RBFOX3: variants seen among roughly 807,000 people sequenced by gnomAD.
RBFOX3 encodes RNA binding protein fox-1 homolog 3.
In RBFOX3, 17 loss-of-function variants were observed where a neutral mutation model predicts 48.7. That is an observed-to-expected ratio of 0.35 (90% CI 0.24 to 0.52). The LOEUF is 0.52. Ranked by LOEUF, RBFOX3 falls within the 20% of genes least tolerant of loss-of-function variation. The pLI is 0.94. For missense variants in RBFOX3, 382 were observed against 497.5 expected (o/e 0.77, Z 2.21); for synonymous variants, 212 against 209.5 (o/e 1.01, Z -0.10).
At chr17:79,292,602 ACACACACACACACATACAT>A (rs1567988332) in intron 3 of RBFOX3, among the ~76,000 whole-genome samples, 17 of 87,408 alleles carry the variant, frequency 1.9e-4, no homozygotes, top group South Asian at 3.4e-4. Context: ...ACACACACGC[ACACACACACACACATACAT>A]GCAGACCCAG....
intron 4 of RBFOX3, among the ~76,000 whole-genome samples, chr17:79,213,202 CCT>C (rs1437087917): frequency 6.6e-6 from 1 of 152,122 alleles, no homozygotes; most frequent in Non-Finnish European, 1.5e-5. Context: ...ATAAAGTTCC[CCT>C]GTTTCTCTTG....
At chr17:79,542,705 C>A (rs782491059) in intron 1 of RBFOX3, among the ~76,000 whole-genome samples, 10 of 152,336 alleles carry the variant, frequency 6.6e-5, no homozygotes, top group Non-Finnish European at 1.3e-4. Context: ...ATCGCTTGAA[C>A]CCAGGCGGCG....
chr17:79,279,168 G>A (rs575499357), intron 3 of RBFOX3, among the ~76,000 whole-genome samples: 4 of 152,278 alleles, frequency 2.6e-5, no homozygotes, highest in African/African-American at 4.8e-5. Flanking sequence ...AGGGTAAGGT[G>A]GGCACGGGAG....
At position 79,103,961 on chromosome 17, in the gene RBFOX3, CT is replaced by C; in HGVS notation, c.414+111del. 1 of 884,254 alleles carries C rather than the reference CT, an allele frequency of 1.1e-6. No individual in the cohort carries two copies. Among genetic ancestry groups the C allele is most frequent in the Non-Finnish European group, 1.8e-6 (1 of 548,262 alleles). 54.8% of individuals were successfully genotyped at this position (884,254 alleles called of 1,614,324 possible). A position where few individuals can be genotyped will look rare whatever the true frequency, so the allele number is the denominator to read the frequency against. ...GCGGGGAATACAAGCACCCGTGTCGCTCAGGGGTCCTCGGGCGCGAAGCTCT... is the reference window on the plus strand; with the variant it reads ...GCGGGGAATACAAGCACCCGTGTCGCCAGGGGTCCTCGGGCGCGAAGCTCT... On this transcript the variant is annotated intron_variant, in intron 7 of 14. Coordinates refer to ENST00000693108, the MANE Select transcript of RBFOX3 (RefSeq NM_001350451.2). The surrounding 1 kb of genome is among the most constrained non-coding windows in gnomAD (Gnocchi z 6.1).
Position 79,138,731 on chromosome 17 carries a change from ATG to A in RBFOX3, c.-33-22985_-33-22984del, listed in dbSNP as rs564943540. On this transcript the variant is annotated intron_variant, in intron 4 of 14. Transcript: ENST00000693108. ...TTCACACCCCCTCACCCACACACGC[ATG>A]CACACAGCACGTGTTCACACCACCA... 4.5e-3 allele frequency among the ~76,000 whole-genome samples: 352 copies of A among 79,090 alleles called. 3 individuals carry two copies. Among genetic ancestry groups the A allele is most frequent in the Middle Eastern group, 0.018 (2 of 114 alleles). The allele number at this position is 79,090 out of a possible 152,430, so 51.9% of individuals were successfully genotyped here. A position where few individuals can be genotyped will look rare whatever the true frequency, so the allele number is the denominator to read the frequency against.
chr17:79,213,772 A>G (rs987685588), intron 4 of RBFOX3, among the ~76,000 whole-genome samples: 4 of 152,210 alleles, frequency 2.6e-5, no homozygotes, highest in African/African-American at 9.6e-5. Flanking sequence ...GACTCCCACC[A>G]GATATAACTT....
At chr17:79,228,503 T>C (rs535830151) in intron 4 of RBFOX3, among the ~76,000 whole-genome samples, 1 of 152,192 alleles carries the variant, frequency 6.6e-6, no homozygotes, top group Non-Finnish European at 1.5e-5. Context: ...TCCGATCCCA[T>C]CTCAAATGTT....
At chr17:79,341,429 C>A (rs1033638604) in intron 2 of RBFOX3, among the ~76,000 whole-genome samples, 1 of 152,204 alleles carries the variant, frequency 6.6e-6, no homozygotes, top group Admixed American at 6.5e-5. Flanking sequence ...TATTCATATA[C>A]CTATCACCAA....
At chr17:79,318,719 G>T (rs916966166) in intron 2 of RBFOX3, among the ~76,000 whole-genome samples, 2 of 151,920 alleles carry the variant, frequency 1.3e-5, no homozygotes, top group Non-Finnish European at 2.9e-5. Context: ...GCTGAGTGTG[G>T]TGGTGGGCGC....
In RBFOX3 at chr17:79,443,040, C is replaced by T. The variant is rs998756825; in HGVS notation, c.-175+39414G>A. ...GCCTGGAGAACCCCTGGAAAACATC[C>T]ACCTGTGCCATGAGGTCCTCACAGG... is the stretch of plus-strand genomic sequence containing the variant. On this transcript the variant is annotated intron_variant, in intron 2 of 14. Coordinates refer to ENST00000693108, the MANE Select transcript of RBFOX3 (RefSeq NM_001350451.2). This position sits in a 1 kb window ranked among gnomAD's most constrained non-coding sequence, Gnocchi z 4.4. Among the ~76,000 whole-genome samples the T allele has an allele frequency of 6.6e-6, 1 of 152,226 alleles. No homozygotes were observed. Among genetic ancestry groups the T allele is most frequent in the African/African-American group, 2.4e-5 (1 of 41,462 alleles).
At chr17:79,404,548 G>A (rs2063301423) in intron 2 of RBFOX3, among the ~76,000 whole-genome samples, 1 of 152,152 alleles carries the variant, frequency 6.6e-6, no homozygotes, top group Non-Finnish European at 1.5e-5. Flanking sequence ...AAGCACTGGG[G>A]GTCCAGTCTC....
chr17:79,625,966 C>T, the RBFOX3 span, among the ~76,000 whole-genome samples: 2 of 152,182 alleles, frequency 1.3e-5, no homozygotes, highest in African/African-American at 4.8e-5. Context: ...GGACGAGGTG[C>T]TGTTTATGGT....
intron 3 of RBFOX3, among the ~76,000 whole-genome samples, chr17:79,288,447 G>A (rs1222581997): frequency 1.3e-5 from 2 of 151,966 alleles, no homozygotes; most frequent in African/African-American, 4.8e-5. Context: ...AGTGGGGCCC[G>A]ATAACCACTG....
intron 3 of RBFOX3, among the ~76,000 whole-genome samples, chr17:79,290,304 T>C (rs1161870742): frequency 6.6e-6 from 1 of 152,110 alleles, no homozygotes; most frequent in Non-Finnish European, 1.5e-5. Flanking sequence ...TGGCTAGGAA[T>C]GCAGGCTCTG....
chr17:79,184,248 C>T (rs6501286), intron 4 of RBFOX3, among the ~76,000 whole-genome samples: 64,465 of 152,020 alleles, frequency 0.42, 14,388 homozygotes, highest in African/African-American at 0.56. Context: ...CATCATACAT[C>T]CCAGCCTCCT....
At chr17:79,101,450 C>T (rs985646179) in intron 9 of RBFOX3, 134 bp downstream of exon 9, 5 of 797,324 alleles carry the variant, frequency 6.3e-6, no homozygotes, top group Admixed American at 4.2e-5. Flanking sequence ...AGAGCGGCAG[C>T]CCCAGGGCTG....
chr17:79,156,754 C>T (rs571996188), intron 4 of RBFOX3, among the ~76,000 whole-genome samples: 1 of 152,192 alleles, frequency 6.6e-6, no homozygotes, highest in Non-Finnish European at 1.5e-5. Flanking sequence ...TGTCTGGCCT[C>T]GTACGGACTG....
At chr17:79,609,027 C>G (rs1051899321) in intron 1 of RBFOX3, among the ~76,000 whole-genome samples, 1 of 151,534 alleles carries the variant, frequency 6.6e-6, no homozygotes, top group African/African-American at 2.4e-5. Flanking sequence ...GCAGCGCCTT[C>G]TCGACAACTT....
chr17:79,213,420 G>A (rs181044982), intron 4 of RBFOX3, among the ~76,000 whole-genome samples: 21 of 152,294 alleles, frequency 1.4e-4, no homozygotes, highest in Admixed American at 1.2e-3. Flanking sequence ...ATATGCACCC[G>A]CAACTGCTAC....
Sources: gnomAD v4.1 joint callset for allele counts (sites outside exome capture counted in the v4.1 genomes callset) on GRCh38, gnomAD v4.1.1 for gene constraint, Gnocchi (gnomAD v3.1) non-coding constraint, MANE v1.5 for transcripts, NCBI Gene and HGNC (gene_info 2026-07-23, HGNC 2026-07-21) for gene names.